Variants in TUSC3 observed in about 807,000 individuals in gnomAD.
TUSC3 encodes dolichyl-diphosphooligosaccharide--protein glycosyltransferase subunit TUSC3.
A neutral mutation model predicts 44.8 loss-of-function variants in TUSC3; 45 were observed. That is an observed-to-expected ratio of 1.00 (90% CI 0.79 to 1.29). The LOEUF is 1.29. Ranked by LOEUF, TUSC3 falls within the 50% of genes most tolerant of loss-of-function variation. The pLI is 0.00. For synonymous variants in TUSC3, 212 were observed against 152.9 expected (o/e 1.39, Z -2.85); for missense variants, 519 against 437.9 (o/e 1.19, Z -1.65).
chr8:15,427,116 A>G (rs1799813804), intron 1 of TUSC3, among the ~76,000 whole-genome samples: 1 of 140,294 alleles, frequency 7.1e-6, no homozygotes, highest in Non-Finnish European at 1.6e-5. Flanking sequence ...AGTTTCTTAC[A>G]TACTTTGGAA....
At chr8:15,550,856 G>C (rs572638185) in intron 1 of TUSC3, among the ~76,000 whole-genome samples, 2 of 151,632 alleles carry the variant, frequency 1.3e-5, no homozygotes, top group Admixed American at 6.6e-5. Context: ...ATTTTTAGTA[G>C]AGACGGGGTT....
chr8:15,735,887 T>G (rs1335386729), intron 7 of TUSC3, among the ~76,000 whole-genome samples: 2,819 of 42,208 alleles, frequency 0.067, 81 homozygotes, highest in African/African-American at 0.16. Flanking sequence ...TTTTTTGTTT[T>G]TTTGGTTTTT....
intron 2 of TUSC3, among the ~76,000 whole-genome samples, chr8:15,624,053 G>A (rs545804784): frequency 6.6e-6 from 1 of 152,122 alleles, no homozygotes; most frequent in East Asian, 1.9e-4. Flanking sequence ...AGAATCTTAG[G>A]TAAATGGAAT....
chr8:15,620,782 A>G (rs1035813594), intron 1 of TUSC3, among the ~76,000 whole-genome samples: 1 of 152,184 alleles, frequency 6.6e-6, no homozygotes, highest in Non-Finnish European at 1.5e-5. Flanking sequence ...TAGGAGTACC[A>G]GACTCAGGAG....
intron 6 of TUSC3, 26 bp from the exon 7 acceptor site, chr8:15,730,640 T>C: frequency 6.2e-7 from 1 of 1,610,530 alleles, no homozygotes; most frequent in East Asian, 2.2e-5. Context: ...TCTCAGACTG[T>C]AATTTCTGTT....
At position 15,520,111 on chromosome 8, in the gene TUSC3, T is replaced by C. The variant is rs577475612; in HGVS notation, n.189+36628T>C. On this transcript the variant is annotated intron_variant and non_coding_transcript_variant, in intron 2 of 5. Coordinates refer to the TUSC3 transcript ENST00000503191. ...CCCCTTTCATCCTGTTATCCTTTCC[T>C]GTTCTAATTCTTCTGTAGTCACACA... 4.2e-4 allele frequency among the ~76,000 whole-genome samples: 64 copies of C among 152,318 alleles called. 2 individuals are homozygous for C. The South Asian group carries it at 0.012, about 30-fold the overall frequency.
At chr8:15,551,943 A>G (rs1219624460) in intron 1 of TUSC3, among the ~76,000 whole-genome samples, 1 of 151,666 alleles carries the variant, frequency 6.6e-6, no homozygotes, top group Non-Finnish European at 1.5e-5. Flanking sequence ...TAAATAGATG[A>G]TTCCAGGGAA....
At chr8:15,743,386 A>T in intron 7 of TUSC3, 152 bp from the exon 8 acceptor site, 1 of 779,494 alleles carries the variant, frequency 1.3e-6, no homozygotes, top group Middle Eastern at 2.8e-4. Context: ...CTCACAAAGA[A>T]TGGTAATTTT....
intron 2 of TUSC3, among the ~76,000 whole-genome samples, chr8:15,632,832 T>G (rs34768042): frequency 0.22 from 34,201 of 152,120 alleles, 4,437 homozygotes; most frequent in Non-Finnish European, 0.3. Context: ...CAGATTGTCC[T>G]AAATTTGACC....
At chr8:15,461,910 C>G (rs1213519643) in intron 1 of TUSC3, among the ~76,000 whole-genome samples, 1 of 151,832 alleles carries the variant, frequency 6.6e-6, no homozygotes, top group African/African-American at 2.4e-5. Flanking sequence ...CTGTATGAAA[C>G]TATAGTATGG....
At chr8:15,798,451 C>A in the TUSC3 span, among the ~76,000 whole-genome samples, 1 of 152,164 alleles carries the variant, frequency 6.6e-6, no homozygotes, top group Non-Finnish European at 1.5e-5. Flanking sequence ...ACAGACTCAA[C>A]CCCACCTCTA....
rs549277334 is a variant in TUSC3 at position 15,570,954 on chromosome 8, G to GTTTTTTTTT, written c.138+30398_138+30406dup. 2.6e-3 allele frequency among the ~76,000 whole-genome samples: 114 copies of GTTTTTTTTT among 44,482 alleles called. 20 individuals are homozygous for GTTTTTTTTT. Among genetic ancestry groups the GTTTTTTTTT allele is most frequent in the East Asian group, 9.7e-3 (10 of 1,026 alleles). The allele number at this position is 44,482 out of a possible 152,430, so 29.2% of individuals were successfully genotyped here. ...TTGCTTTCTATTCCATTGCCTATTAGTTTTTTTTTTTTTTTTTTTTGAGAT... is the reference window on the plus strand; with the variant it reads ...TTGCTTTCTATTCCATTGCCTATTAGTTTTTTTTTTTTTTTTTTTTTTTTTTTTTGAGAT... On this transcript the variant is annotated intron_variant, in intron 1 of 10. Transcript: ENST00000503731.
intron 1 of TUSC3, among the ~76,000 whole-genome samples, chr8:15,474,583 C>G (rs1005367172): frequency 6.6e-6 from 1 of 152,044 alleles, no homozygotes; most frequent in Non-Finnish European, 1.5e-5. Flanking sequence ...TAAGAAAAGC[C>G]ACATGCATCC....
intron 2 of TUSC3, among the ~76,000 whole-genome samples, chr8:15,634,198 G>A (rs530341944): frequency 2.6e-5 from 4 of 152,280 alleles, no homozygotes; most frequent in African/African-American, 7.2e-5. Flanking sequence ...GTGAAGTTTT[G>A]CTTACAATTA....
chr8:15,692,575 G>T (rs567388031), intron 6 of TUSC3, among the ~76,000 whole-genome samples: 1 of 151,580 alleles, frequency 6.6e-6, no homozygotes, highest in South Asian at 2.1e-4. Flanking sequence ...TCAGTCATGG[G>T]AGGTTGTATG....
At chr8:15,744,041 T>G (rs1383278984) in intron 8 of TUSC3, among the ~76,000 whole-genome samples, 2 of 152,204 alleles carry the variant, frequency 1.3e-5, no homozygotes, top group African/African-American at 4.8e-5. Flanking sequence ...TGCATAGGTA[T>G]TGTACAGTGA....
At chr8:15,697,743 G>A (rs1414139661) in intron 6 of TUSC3, among the ~76,000 whole-genome samples, 1 of 152,188 alleles carries the variant, frequency 6.6e-6, no homozygotes, top group Non-Finnish European at 1.5e-5. Context: ...TTTGTAAAAT[G>A]TAAAGGATTT....
chr8:15,784,251 T>C, the TUSC3 span, among the ~76,000 whole-genome samples: 1 of 152,170 alleles, frequency 6.6e-6, no homozygotes, highest in East Asian at 1.9e-4. Flanking sequence ...CTGCTGAGAA[T>C]GTACATCAGT....
At chr8:15,473,325 C>A (rs1261872624) in intron 1 of TUSC3, among the ~76,000 whole-genome samples, 1 of 152,136 alleles carries the variant, frequency 6.6e-6, no homozygotes, top group Non-Finnish European at 1.5e-5. Context: ...AAAAAAATTT[C>A]AATTCTTCTG....
Sources: allele counts gnomAD v4.1 joint callset (sites outside exome capture counted in the v4.1 genomes callset), GRCh38; gene constraint gnomAD v4.1.1; transcripts MANE v1.5; gene names NCBI Gene and HGNC (gene_info 2026-07-23, HGNC 2026-07-21).